GABRB1: variants seen among roughly 807,000 people sequenced by gnomAD.
GABRB1 encodes the protein gamma-aminobutyric acid receptor subunit beta-1.
GABRB1 carries 17 observed loss-of-function variants against 51.6 expected under a neutral mutation model. The observed-to-expected ratio is 0.33, with a 90% CI of 0.23 to 0.49. GABRB1 has a LOEUF of 0.49. Ranked by LOEUF, GABRB1 falls within the 20% of genes least tolerant of loss-of-function variation. GABRB1 has a pLI of 0.99. For missense variants in GABRB1, 410 were observed against 600.6 expected, an observed-to-expected ratio of 0.68 and a Z score of 3.32; for synonymous variants, 247 against 218.9, an observed-to-expected ratio of 1.13 and a Z score of -1.14.
At chr4:47,192,693 G>A (rs543520313) in intron 4 of GABRB1, among the ~76,000 whole-genome samples, 18 of 152,192 alleles carry the variant, frequency 1.2e-4, no homozygotes, top group African/African-American at 4.3e-4. Flanking sequence ...AAACAGAATA[G>A]ATCTGTAATC....
rs561811738 is a variant in GABRB1 at position 47,060,528 on chromosome 4, A to G, written c.240+28044A>G. On this transcript the variant is annotated intron_variant, in intron 3 of 8. Transcript: ENST00000295454. ...CATGTTGTTTTCAGTCATAGTAAAT[A>G]CAAGCAAATAATTATAAAGATAGTT... Among the ~76,000 whole-genome samples the G allele has an allele frequency of 7.4e-4, 112 of 152,312 alleles. 1 individual carries two copies. The highest frequency in any genetic ancestry group is 2.1e-3 in the African/African-American group (89 of 41,570).
chr4:47,320,304 T>C (rs141341718), intron 5 of GABRB1, 95 bp downstream of exon 5: 8 of 801,316 alleles, frequency 1.0e-5, no homozygotes, highest in African/African-American at 8.5e-5. Flanking sequence ...CAGGATTTTC[T>C]AGCTGCGCTT....
At chr4:47,251,295 A>G (rs1220179927) in intron 4 of GABRB1, among the ~76,000 whole-genome samples, 4 of 152,152 alleles carry the variant, frequency 2.6e-5, no homozygotes, top group Admixed American at 6.5e-5. Context: ...TTATGATGTG[A>G]ACCGTCTATG....
chr4:47,083,723 A>C (rs1727949075), intron 3 of GABRB1, among the ~76,000 whole-genome samples: 1 of 152,156 alleles, frequency 6.6e-6, no homozygotes, highest in African/African-American at 2.4e-5. Context: ...CTCCTTTGGA[A>C]TTATGGCTCC....
chr4:47,287,717 G>T (rs1723563099), intron 4 of GABRB1, among the ~76,000 whole-genome samples: 1 of 152,186 alleles, frequency 6.6e-6, no homozygotes, highest in African/African-American at 2.4e-5. Flanking sequence ...GTCTCGATCA[G>T]GTTTTAAAAA....
At chr4:47,368,109 C>T (rs959616481) in intron 5 of GABRB1, among the ~76,000 whole-genome samples, 2 of 152,182 alleles carry the variant, frequency 1.3e-5, no homozygotes, top group Admixed American at 1.3e-4. Context: ...ATCTCTACTA[C>T]CATCCAGAGA....
chr4:47,029,963 TTC>T (rs1725235649), upstream of GABRB1, among the ~76,000 whole-genome samples: 1 of 152,142 alleles, frequency 6.6e-6, no homozygotes, highest in African/African-American at 2.4e-5. Flanking sequence ...CCCATATTCC[TTC>T]TCTTTTTTTC....
At chr4:47,294,459 C>T (rs753861804) in intron 4 of GABRB1, among the ~76,000 whole-genome samples, 3 of 152,236 alleles carry the variant, frequency 2.0e-5, no homozygotes, top group East Asian at 1.9e-4. Context: ...GATTATAACC[C>T]GCACGTGGCT....
At chr4:47,215,736 A>T (rs1004912067) in intron 4 of GABRB1, among the ~76,000 whole-genome samples, 3 of 152,114 alleles carry the variant, frequency 2.0e-5, no homozygotes, top group Non-Finnish European at 2.9e-5. Flanking sequence ...GAATTCATTT[A>T]GGTCAATGTA....
At position 47,380,135 on chromosome 4, in the gene GABRB1, A is replaced by G. The variant is rs1314890142; in HGVS notation, c.545-23183A>G. On this transcript the variant is annotated intron_variant, in intron 5 of 8. Coordinates refer to ENST00000295454, the MANE Select transcript of GABRB1 (RefSeq NM_000812.4). ...CCGGAGCAGAATTATAATTTGTTGT[A>G]TATATTCTTAATATAATAATTTCTC... Among the ~76,000 whole-genome samples the G allele has an allele frequency of 3.3e-5, 5 of 152,340 alleles. No homozygotes were observed. The East Asian group carries it at 9.6e-4, about 29-fold the overall frequency.
intron 8 of GABRB1, among the ~76,000 whole-genome samples, chr4:47,418,420 C>A (rs1209862478): frequency 6.6e-5 from 10 of 152,270 alleles, no homozygotes; most frequent in Admixed American, 5.2e-4. Flanking sequence ...TCCTGGAAAC[C>A]TCAGTTTTTG....
chr4:47,117,281 C>T (rs748019781), intron 3 of GABRB1, among the ~76,000 whole-genome samples: 36 of 152,262 alleles, frequency 2.4e-4, no homozygotes, highest in Non-Finnish European at 3.4e-4. Context: ...GGAGTTCGCT[C>T]ATATAAAAAT....
At chr4:47,057,625 A>T (rs943942001) in intron 3 of GABRB1, among the ~76,000 whole-genome samples, 4 of 152,214 alleles carry the variant, frequency 2.6e-5, no homozygotes, top group Non-Finnish European at 5.9e-5. Context: ...ATCTGTCAGT[A>T]TCTCCTACTC....
At chr4:47,187,130 C>T (rs556031691) in intron 4 of GABRB1, among the ~76,000 whole-genome samples, 10 of 151,778 alleles carry the variant, frequency 6.6e-5, no homozygotes, top group East Asian at 3.9e-4. Flanking sequence ...CTTTTATCAA[C>T]GAAGCATACT....
chr4:46,993,669 T>C (rs190689458), upstream of GABRB1: 1 of 495,706 alleles, frequency 2.0e-6, no homozygotes, highest in Non-Finnish European at 3.7e-6. Flanking sequence ...GAGCTATGTA[T>C]ACCGCTCCAC....
intron 5 of GABRB1, among the ~76,000 whole-genome samples, chr4:47,381,731 T>C (rs1727604772): frequency 6.6e-6 from 1 of 152,144 alleles, no homozygotes; most frequent in Non-Finnish European, 1.5e-5. Context: ...ACATCTGACT[T>C]TTTCTTTCCT....
chr4:47,114,301 G>T (rs1715370870), intron 3 of GABRB1, among the ~76,000 whole-genome samples: 2 of 152,138 alleles, frequency 1.3e-5, no homozygotes, highest in African/African-American at 4.8e-5. Context: ...GAACTGATTG[G>T]CTCAGAAGGT....
chr4:47,183,457 T>C (rs540245674), intron 4 of GABRB1, among the ~76,000 whole-genome samples: 1 of 150,870 alleles, frequency 6.6e-6, no homozygotes, highest in Non-Finnish European at 1.5e-5. Flanking sequence ...TCTTGATTCA[T>C]ATTTGGTACT....
At chr4:47,228,742 G>C (rs1721039418) in intron 4 of GABRB1, among the ~76,000 whole-genome samples, 1 of 152,108 alleles carries the variant, frequency 6.6e-6, no homozygotes, top group African/African-American at 2.4e-5. Context: ...TCTGCAGGAT[G>C]ATCTCGAGCT....
Sources: allele counts gnomAD v4.1 joint callset (sites outside exome capture counted in the v4.1 genomes callset), GRCh38; gene constraint gnomAD v4.1.1; transcripts MANE v1.5; gene names NCBI Gene and HGNC (gene_info 2026-07-23, HGNC 2026-07-21).